ZNF578: variants seen among roughly 807,000 people sequenced by gnomAD.
ZNF578 encodes the protein Putative chemokine-related protein B42.
A neutral mutation model predicts 8.3 loss-of-function variants in ZNF578; 8 were observed. The ratio of observed to expected loss-of-function variants is 0.96; its 90% CI spans 0.56 to 1.74. The LOEUF (loss-of-function observed/expected upper bound fraction) is 1.74. ZNF578 is among the 40% of genes most tolerant of loss of function. The pLI is 0.00. For missense variants in ZNF578, 726 were observed against 707.5 expected (o/e 1.03, Z -0.30); for synonymous variants, 206 against 232.2 (o/e 0.89, Z 1.03).
At chr19:52,469,160 TTTTTTTG>T (rs1223114647) in intron 2 of ZNF578, among the ~76,000 whole-genome samples, 4 of 40,208 alleles carry the variant, frequency 9.9e-5, no homozygotes, top group South Asian at 7.8e-4. Flanking sequence ...TGGAGTGGTT[TTTTTTTG>T]TTTTTTTTTT....
chr19:52,511,582 T>C lies in ZNF578; in HGVS notation c.1201T>C (p.Cys401Arg). The C allele has an allele frequency of 1.2e-6, 2 of 1,613,322 alleles. No individual in the cohort carries two copies. The highest frequency in any genetic ancestry group is 1.7e-6 in the Non-Finnish European group (2 of 1,179,198). The change falls in exon 6 of 6, where the codon TGT becomes CGT. Residue 401 changes from cysteine to arginine, a missense_variant. Physicochemically the swap from Cys to Arg is radical, Grantham distance 180. Transcript: ENST00000421239. ...TCATACTGGAGAGAAACCTTACAAG[T>C]GTAATGAATGTGGCAAGGCTTTTAA... is the stretch of plus-strand genomic sequence containing the variant. The part of the protein sequence containing the change: ...AIHTGEKPYK[C>R]NECGKAFNQQ...
At chr19:52,509,530 G>A (rs1210322844) in intron 5 of ZNF578, among the ~76,000 whole-genome samples, 2 of 152,124 alleles carry the variant, frequency 1.3e-5, no homozygotes, top group African/African-American at 2.4e-5. Context: ...GGCTCACACC[G>A]GCAATCCCAG....
At chr19:52,498,521 C>T (rs1190873598) in intron 3 of ZNF578, among the ~76,000 whole-genome samples, 2 of 151,732 alleles carry the variant, frequency 1.3e-5, no homozygotes, top group Non-Finnish European at 2.9e-5. Flanking sequence ...TTAGTAGAGA[C>T]GGGCATTCAC....
In ZNF578 at chr19:52,510,944, C is replaced by T. The variant is rs1489146448; in HGVS notation, c.563C>T (p.Ser188Phe). The change falls in exon 6 of 6, where the codon TCC becomes TTC. Residue 188 changes from serine to phenylalanine, a missense_variant. Transcript: ENST00000421239. Reference protein sequence around the residue: ...NQVEKSVNDASSISTSQRISC... With the variant: ...NQVEKSVNDAFSISTSQRISC... The stretch of plus-strand genomic sequence containing the variant: ...GTGGAGAAGTCTGTCAACGATGCTT[C>T]CTCAATTTCAACATCCCAAAGAATT... 2 of 1,614,040 alleles carry T rather than the reference C, an allele frequency of 1.2e-6. No individual in the cohort carries two copies. Among genetic ancestry groups the T allele is most frequent in the African/African-American group, 2.7e-5 (2 of 74,922 alleles).
Position 52,511,877 on chromosome 19 carries a change from C to G in ZNF578, c.1496C>G (p.Pro499Arg). ...HKTFSHRSSL[P>R]CHRRLHSGEK... Reference sequence around the variant, plus strand: ...ACCTTCAGTCACAGGTCATCTCTTCCATGCCATCGTAGACTTCATAGTGGT... The same window carrying G: ...ACCTTCAGTCACAGGTCATCTCTTCGATGCCATCGTAGACTTCATAGTGGT... The change falls in exon 6 of 6, where the codon CCA becomes CGA. Residue 499 changes from proline to arginine, a missense_variant. Pro to Arg is a moderately radical substitution (Grantham distance 103). Coordinates refer to ENST00000421239, the MANE Select transcript of ZNF578 (RefSeq NM_001099694.2). 6.2e-7 allele frequency: 1 copy of G among 1,613,024 alleles called. No homozygotes were observed. The highest frequency in any genetic ancestry group is 1.1e-5 in the South Asian group (1 of 91,006).
intron 3 of ZNF578, among the ~76,000 whole-genome samples, chr19:52,498,337 T>G (rs1029411476): frequency 2.0e-5 from 3 of 149,136 alleles, no homozygotes; most frequent in Non-Finnish European, 3.0e-5. Flanking sequence ...GTGTTTTTTT[T>G]TTTTTTTTTT....
chr19:52,461,892 G>A (rs137862075), intron 2 of ZNF578, among the ~76,000 whole-genome samples: 4 of 152,188 alleles, frequency 2.6e-5, no homozygotes, highest in Non-Finnish European at 5.9e-5. Context: ...GATGTGGTCC[G>A]GCTGTACCAA....
chr19:52,497,381 T>A (rs2059390743), intron 3 of ZNF578, among the ~76,000 whole-genome samples: 3 of 152,176 alleles, frequency 2.0e-5, no homozygotes. Context: ...CACTATGCCC[T>A]GCTAATTTTA....
chr19:52,493,441 A>C (rs1271232429), intron 3 of ZNF578, among the ~76,000 whole-genome samples: 1 of 151,284 alleles, frequency 6.6e-6, no homozygotes, highest in African/African-American at 2.4e-5. Flanking sequence ...GCCCAGTTCC[A>C]CCCCCCGGAA....
rs3054902 is a variant in ZNF578 at position 52,469,167 on chromosome 19, G to GT, written c.-122+12222dup. Among the ~76,000 whole-genome samples the GT allele has an allele frequency of 1.7e-3, 221 of 130,616 alleles. 4 individuals are homozygous for GT. Among genetic ancestry groups the GT allele is most frequent in the East Asian group, 0.015 (67 of 4,402 alleles). The allele number at this position is 130,616 out of a possible 152,430, so 85.7% of individuals were successfully genotyped here. A position where few individuals can be genotyped will look rare whatever the true frequency, so the allele number is the denominator to read the frequency against. ...TTGGTACCTGGAGTGGTTTTTTTTT[G>GT]TTTTTTTTTTTTTGACAGGGTCTCA... On this transcript the variant is annotated intron_variant, in intron 2 of 5. Transcript: ENST00000421239.
chr19:52,458,483 T>TATATATATATATATATATATATATATATA (rs1555751157), intron 2 of ZNF578: 21 of 144,840 alleles, frequency 1.4e-4, no homozygotes, highest in African/African-American at 5.2e-4. Flanking sequence ...TATATATATA[T>TATATATATATATATATATATATATATATA]TTTGAAAATC....
intron 2 of ZNF578, among the ~76,000 whole-genome samples, chr19:52,467,904 T>C (rs938385806): frequency 1.2e-4 from 19 of 152,182 alleles, no homozygotes; most frequent in African/African-American, 4.6e-4. Context: ...TTCATGTGAT[T>C]TCAAGTCTTC....
At chr19:52,479,526 G>C (rs1052540090) in intron 2 of ZNF578, among the ~76,000 whole-genome samples, 2 of 127,328 alleles carry the variant, frequency 1.6e-5, no homozygotes, top group African/African-American at 3.0e-5. Context: ...CTGGGAGACA[G>C]AGCGAGACTC....
chr19:52,485,931 G>T (rs578043506), intron 2 of ZNF578, among the ~76,000 whole-genome samples: 2 of 152,104 alleles, frequency 1.3e-5, no homozygotes, highest in African/African-American at 4.8e-5. Flanking sequence ...GGAAAGACCC[G>T]ACCATCCCCC....
chr19:52,477,144 A>T (rs1339615360), intron 2 of ZNF578, among the ~76,000 whole-genome samples: 3 of 152,168 alleles, frequency 2.0e-5, no homozygotes, highest in African/African-American at 7.2e-5. Flanking sequence ...GCTCTTGCCC[A>T]AAATTAGTCC....
chr19:52,474,704 TG>T (rs1406243292), intron 2 of ZNF578: 1 of 238,038 alleles, frequency 4.2e-6, no homozygotes, highest in African/African-American at 2.3e-5. Context: ...CTGAAGACTT[TG>T]CCAAATTTTT....
Position 52,507,432 on chromosome 19 carries a change from T to A in ZNF578, c.190+2651T>A, listed in dbSNP as rs180913688. Reference sequence around the variant, plus strand: ...AATTAGCCAGGCATGGTGGCATGTGTCTGTAGTCCCAGCTACTCACGAGGC... The same window carrying A: ...AATTAGCCAGGCATGGTGGCATGTGACTGTAGTCCCAGCTACTCACGAGGC... On this transcript the variant is annotated intron_variant, in intron 5 of 5. Coordinates refer to ENST00000421239, the MANE Select transcript of ZNF578 (RefSeq NM_001099694.2). Among the ~76,000 whole-genome samples the A allele has an allele frequency of 5.3e-5, 8 of 152,000 alleles. No homozygotes were observed. In the East Asian group the frequency reaches 1.4e-3, roughly 26 times the overall value.
chr19:52,472,797 A>G (rs1344706102), intron 2 of ZNF578, among the ~76,000 whole-genome samples: 1 of 152,236 alleles, frequency 6.6e-6, no homozygotes, highest in Non-Finnish European at 1.5e-5. Flanking sequence ...AGTTCAGGCT[A>G]AAGTCATAAA....
At chr19:52,478,232 A>G (rs530125200) in intron 2 of ZNF578, among the ~76,000 whole-genome samples, 1 of 152,342 alleles carries the variant, frequency 6.6e-6, no homozygotes, top group African/African-American at 2.4e-5. Flanking sequence ...GATTCTAGCA[A>G]TCCTAAAGTG....
Sources: gnomAD v4.1 joint callset for allele counts (sites outside exome capture counted in the v4.1 genomes callset) on GRCh38, gnomAD v4.1.1 for gene constraint, MANE v1.5 for transcripts, NCBI Gene and HGNC (gene_info 2026-07-23, HGNC 2026-07-21) for gene names.